The following KBTBD11 variants were observed in gnomAD, a reference collection of about 807,000 sequenced individuals.
KBTBD11 encodes kelch repeat and BTB domain containing 11.
For missense variants in KBTBD11, 1,390 were observed against 1,001.8 expected, an observed-to-expected ratio of 1.39 and a Z score of -5.23; for synonymous variants, 747 against 499.0, an observed-to-expected ratio of 1.50 and a Z score of -6.63.
intron 1 of KBTBD11, among the ~76,000 whole-genome samples, chr8:1,993,144 C>T (rs1816980493): frequency 6.6e-6 from 1 of 151,794 alleles, no homozygotes; most frequent in Admixed American, 6.6e-5. Flanking sequence ...AAAGGGTCTC[C>T]CCATGTTGCC....
chr8:2,003,041 C>T lies in KBTBD11; in HGVS notation c.1849C>T (p.Arg617Ter), dbSNP rs892320849. Residue 617 changes from arginine to a stop codon, truncating the protein, a stop_gained, in exon 2 of 2, where the codon CGA becomes TGA. Coordinates refer to ENST00000320248, the MANE Select transcript of KBTBD11 (RefSeq NM_014867.3). LOFTEE classifies it high-confidence loss of function. ...FALSLPEKPPRGEQGAP is the reference protein window; with the variant it reads ...FALSLPEKPP ...TCTCAGCCTGCCTGAGAAGCCGCCC[C>T]GAGGGGAGCAGGGCGCCCCGTAGGC... 16 of 1,272,686 alleles carry T rather than the reference C, an allele frequency of 1.3e-5. No individual in the cohort carries two copies. In the African/African-American group the frequency reaches 2.2e-4, roughly 17 times the overall value. 78.8% of individuals were successfully genotyped at this position (1,272,686 alleles called of 1,614,324 possible).
chr8:1,990,131 G>C (rs1816857015), intron 1 of KBTBD11, among the ~76,000 whole-genome samples: 1 of 152,248 alleles, frequency 6.6e-6, no homozygotes, highest in Non-Finnish European at 1.5e-5. Flanking sequence ...AAGTGTGTGA[G>C]CTGTGAGACT....
chr8:1,984,828 A>G (rs913787495), intron 1 of KBTBD11, among the ~76,000 whole-genome samples: 44 of 152,280 alleles, frequency 2.9e-4, no homozygotes, highest in Admixed American at 1.6e-3. Context: ...ATTGGAAATG[A>G]AACCCCACTT....
At chr8:1,981,047 C>T (rs146672184) in intron 1 of KBTBD11, among the ~76,000 whole-genome samples, 119 of 152,264 alleles carry the variant, frequency 7.8e-4, no homozygotes, top group Admixed American at 7.8e-4. Context: ...CTAATTTTAG[C>T]GCCAACACTA....
intron 1 of KBTBD11, among the ~76,000 whole-genome samples, chr8:1,995,060 CAAAAA>C (rs5741960): frequency 2.3e-3 from 232 of 101,144 alleles, no homozygotes; most frequent in East Asian, 5.8e-3. Flanking sequence ...ACTCTTGTCT[CAAAAA>C]AAAAAAAAAA....
intron 1 of KBTBD11, among the ~76,000 whole-genome samples, chr8:1,982,073 A>G (rs550419400): frequency 6.6e-6 from 1 of 152,250 alleles, no homozygotes; most frequent in Non-Finnish European, 1.5e-5. Flanking sequence ...GTTAAGGGAT[A>G]TACAGCACAA....
chr8:1,988,918 A>C (rs1816787099), intron 1 of KBTBD11, among the ~76,000 whole-genome samples: 1 of 152,240 alleles, frequency 6.6e-6, no homozygotes. Flanking sequence ...GTTGTGAGCA[A>C]TTGTAGGATT....
At chr8:1,990,215 T>TAGATGCTGC (rs1816860874) in intron 1 of KBTBD11, among the ~76,000 whole-genome samples, 1 of 150,984 alleles carries the variant, frequency 6.6e-6, no homozygotes. Context: ...CCTGTCCAGG[T>TAGATGCTGC]GGGTGCTGGG....
intron 1 of KBTBD11, among the ~76,000 whole-genome samples, chr8:2,000,022 G>T (rs1326861675): frequency 1.3e-5 from 2 of 152,154 alleles, no homozygotes; most frequent in Non-Finnish European, 2.9e-5. Context: ...TTAATGTTTG[G>T]TGGTGCCAAT....
In KBTBD11 at chr8:2,003,127, C is replaced by G; in HGVS notation, c.*63C>G. The stretch of plus-strand genomic sequence containing the variant: ...TTGCGGGGCCCAGGTCCCTTTGGGC[C>G]CGCGGAGGAGGACGTGGTGGGGAGT... On this transcript the variant is annotated 3_prime_UTR_variant, in exon 2 of 2. Coordinates refer to ENST00000320248, the MANE Select transcript of KBTBD11 (RefSeq NM_014867.3). 1 of 1,250,634 alleles carries G rather than the reference C, an allele frequency of 8.0e-7. No homozygotes were observed. The highest frequency in any genetic ancestry group is 3.7e-5 in the South Asian group (1 of 26,852). 77.5% of individuals were successfully genotyped at this position (1,250,634 alleles called of 1,614,324 possible).
At chr8:1,984,473 G>C (rs1585729499) in intron 1 of KBTBD11, among the ~76,000 whole-genome samples, 1 of 151,902 alleles carries the variant, frequency 6.6e-6, no homozygotes, top group African/African-American at 2.4e-5. Context: ...GTTTTTAGTA[G>C]AGACGGGGTT....
At chr8:1,975,740 G>C (rs117259946) in intron 1 of KBTBD11, among the ~76,000 whole-genome samples, 3,436 of 152,310 alleles carry the variant, frequency 0.023, 90 homozygotes, top group Non-Finnish European at 0.027. Flanking sequence ...CCAGGGAGCA[G>C]GACTCTGTGT....
chr8:1,977,341 C>T (rs1350964219), intron 1 of KBTBD11, among the ~76,000 whole-genome samples: 2 of 152,130 alleles, frequency 1.3e-5, no homozygotes, highest in South Asian at 4.1e-4. Flanking sequence ...GGTATTGTTA[C>T]TGTTTTATTA....
chr8:1,983,632 G>T (rs1012622431), intron 1 of KBTBD11, among the ~76,000 whole-genome samples: 1 of 152,160 alleles, frequency 6.6e-6, no homozygotes, highest in Non-Finnish European at 1.5e-5. Context: ...GGGACCTGGG[G>T]CAGTTTTGTG....
rs912874598 is a variant in KBTBD11 at position 2,001,016 on chromosome 8, G to A, written c.-177G>A. 1.1e-4 allele frequency: 94 copies of A among 836,788 alleles called. 1 individual carries two copies. In the African/African-American group the frequency reaches 1.6e-3, roughly 14 times the overall value. 51.8% of individuals were successfully genotyped at this position (836,788 alleles called of 1,614,324 possible). A position where few individuals can be genotyped will look rare whatever the true frequency, so the allele number is the denominator to read the frequency against. On this transcript the variant is annotated 5_prime_UTR_variant, in exon 2 of 2. It adds an upstream start codon to the 5' untranslated region. Transcript: ENST00000320248. ...GGCAAAGGCGAGGCGGGGGAGCAGCGTGTGAGATTCCCCCCTTCACACACA... is the reference window on the plus strand; with the variant it reads ...GGCAAAGGCGAGGCGGGGGAGCAGCATGTGAGATTCCCCCCTTCACACACA...
rs1049519110 is a variant in KBTBD11 at position 2,001,237 on chromosome 8, G to A, written c.45G>A (p.Glu15=). Reference sequence around the variant, plus strand: ...CCTGCGTCCTCTACCCAGGGACTGAGCCCGGGGCTGCCGGGGAGAGCGAGA... The same window carrying A: ...CCTGCGTCCTCTACCCAGGGACTGAACCCGGGGCTGCCGGGGAGAGCGAGA... The part of the protein sequence containing the change: ...VAPCVLYPGT[E]PGAAGESESE... Residue 15 remains glutamate, a synonymous_variant, in exon 2 of 2, where the codon GAG becomes GAA. Transcript: ENST00000320248. 1.2e-5 allele frequency: 18 copies of A among 1,485,686 alleles called. No homozygotes were observed. In the African/African-American group the frequency reaches 1.9e-4, roughly 16 times the overall value. 92.0% of individuals were successfully genotyped at this position (1,485,686 alleles called of 1,614,324 possible).
chr8:1,978,819 TC>T (rs1313292386), intron 1 of KBTBD11, among the ~76,000 whole-genome samples: 2 of 132,620 alleles, frequency 1.5e-5, no homozygotes, highest in African/African-American at 2.8e-5. Context: ...GCTACGGCGA[TC>T]CCCAAGTCTC....
intron 1 of KBTBD11, 21 bp downstream of exon 1, chr8:1,973,956 G>C: frequency 1.0e-6 from 1 of 983,112 alleles, no homozygotes. Context: ...CCCCGGGGAG[G>C]CAGCGGCGGG....
chr8:2,002,170 C>T lies in KBTBD11; in HGVS notation c.978C>T (p.Ala326=), dbSNP rs1310125290. The change falls in exon 2 of 2, where the codon GCC becomes GCT. Residue 326 remains alanine (A), a synonymous_variant. Coordinates refer to ENST00000320248, the MANE Select transcript of KBTBD11 (RefSeq NM_014867.3). This position sits in a 1 kb window ranked among gnomAD's most constrained non-coding sequence, Gnocchi z 4.1. Reference sequence around the variant, plus strand: ...ACGCGGACGCGCGCGGGGACGCGGCCGTCTACTGCTTCCACGCGGCGGCCG... The same window carrying T: ...ACGCGGACGCGCGCGGGGACGCGGCTGTCTACTGCTTCCACGCGGCGGCCG... ...SGDADARGDA[A]VYCFHAAAGE... 6 of 1,224,892 alleles carry T rather than the reference C, an allele frequency of 4.9e-6. No homozygotes were observed. The highest frequency in any genetic ancestry group is 3.6e-5 in the East Asian group (1 of 27,582). 75.9% of individuals were successfully genotyped at this position (1,224,892 alleles called of 1,614,324 possible).
Sources: allele counts gnomAD v4.1 joint callset (sites outside exome capture counted in the v4.1 genomes callset), GRCh38; gene constraint gnomAD v4.1.1; non-coding constraint Gnocchi (gnomAD v3.1); transcripts MANE v1.5; gene names NCBI Gene and HGNC (gene_info 2026-07-23, HGNC 2026-07-21).